The following CPA6 variants were observed in gnomAD, a reference collection of about 807,000 sequenced individuals.
CPA6 encodes carboxypeptidase A6.
CPA6 carries 58 observed loss-of-function variants against 63.3 expected under a neutral mutation model. The observed-to-expected ratio is 0.92, with a 90% confidence interval of 0.74 to 1.14. The LOEUF is 1.14. Ranked by LOEUF, CPA6 falls within the 50% of genes most tolerant of loss-of-function variation. The probability of loss-of-function intolerance (pLI) is 0.00; values close to 1 mark genes in which losing one functional copy is unlikely to be tolerated. For missense variants in CPA6, 565 were observed against 526.6 expected, an observed-to-expected ratio of 1.07 and a Z score of -0.71; for synonymous variants, 185 against 179.0, an observed-to-expected ratio of 1.03 and a Z score of -0.27.
intron 2 of CPA6, among the ~76,000 whole-genome samples, chr8:67,543,306 A>G (rs1047302455): frequency 6.6e-6 from 1 of 152,266 alleles, no homozygotes; most frequent in Non-Finnish European, 1.5e-5. Flanking sequence ...TGAAGAATAG[A>G]CAGTTTTTGG....
At chr8:67,589,513 G>T (rs1025465987) in intron 2 of CPA6, among the ~76,000 whole-genome samples, 1 of 152,128 alleles carries the variant, frequency 6.6e-6, no homozygotes, top group African/African-American at 2.4e-5. Flanking sequence ...TCTTTACTGG[G>T]GGACAGGTAA....
chr8:67,657,154 A>C (rs1360953249), intron 1 of CPA6, among the ~76,000 whole-genome samples: 1 of 152,170 alleles, frequency 6.6e-6, no homozygotes, highest in African/African-American at 2.4e-5. Flanking sequence ...GGAAGATACA[A>C]ACTGGGAAAT....
chr8:67,630,534 C>T (rs1206987627), intron 1 of CPA6, among the ~76,000 whole-genome samples: 3 of 152,212 alleles, frequency 2.0e-5, no homozygotes, highest in African/African-American at 7.2e-5. Flanking sequence ...AAAGAAATGG[C>T]TGGATTTTAT....
intron 1 of CPA6, among the ~76,000 whole-genome samples, chr8:67,704,338 C>A (rs978131205): frequency 6.6e-6 from 1 of 152,186 alleles, no homozygotes; most frequent in East Asian, 1.9e-4. Flanking sequence ...GAAGTCCAGC[C>A]CCTTGTAGCA....
At position 67,588,505 on chromosome 8, in the gene CPA6, G is replaced by A. The variant is rs546230944; in HGVS notation, c.192+35671C>T. ...GGAAGGAGGCAAACAGAATAGGAGAGGGCAATTTGTACAGAGAGGGAAAAT... is the reference window on the plus strand; with the variant it reads ...GGAAGGAGGCAAACAGAATAGGAGAAGGCAATTTGTACAGAGAGGGAAAAT... On this transcript the variant is annotated intron_variant, in intron 2 of 10. Transcript: ENST00000297770. Among the ~76,000 whole-genome samples, 41 of 152,134 alleles carry A rather than the reference G, an allele frequency of 2.7e-4. No individual in the cohort carries two copies. The South Asian group carries it at 8.1e-3, about 30-fold the overall frequency.
rs201908476 is a variant in CPA6, at chr8:67,431,246, A to AT, written c.1041+2791dup. ...ATACGAAGAACATTCTCATATGATA[A>AT]TTTTTTTTTTTCAGATGGAGTCTCA... On this transcript the variant is annotated intron_variant, in intron 9 of 10. Transcript: ENST00000297770. Among the ~76,000 whole-genome samples the AT allele has an allele frequency of 7.6e-3, 1,124 of 148,346 alleles. 44 individuals carry two copies. Among genetic ancestry groups the AT allele is most frequent in the Admixed American group, 0.061 (903 of 14,898 alleles).
At chr8:67,512,083 T>G (rs1350240428) in intron 3 of CPA6, among the ~76,000 whole-genome samples, 3 of 152,178 alleles carry the variant, frequency 2.0e-5, no homozygotes, top group Non-Finnish European at 2.9e-5. Context: ...ATGGGGAAAC[T>G]GAGTCTCAAA....
intron 2 of CPA6, among the ~76,000 whole-genome samples, chr8:67,620,411 G>A (rs891318382): frequency 6.6e-6 from 1 of 152,132 alleles, no homozygotes; most frequent in African/African-American, 2.4e-5. Flanking sequence ...TACACCAGAG[G>A]GGATAGAAAT....
intron 1 of CPA6, among the ~76,000 whole-genome samples, chr8:67,700,562 T>C (rs1347842453): frequency 6.6e-6 from 1 of 152,202 alleles, no homozygotes. Flanking sequence ...TTTAAAACAA[T>C]GTAGTATAAT....
At chr8:67,552,645 T>C (rs919036428) in intron 2 of CPA6, among the ~76,000 whole-genome samples, 3 of 151,620 alleles carry the variant, frequency 2.0e-5, no homozygotes, top group South Asian at 2.1e-4. Flanking sequence ...TGGTGGCACG[T>C]GCCTGTAGTC....
At chr8:67,588,395 T>C (rs1251471034) in intron 2 of CPA6, among the ~76,000 whole-genome samples, 2 of 151,998 alleles carry the variant, frequency 1.3e-5, no homozygotes, top group Non-Finnish European at 1.5e-5. Flanking sequence ...GGTGAATAGA[T>C]TTTCATTCTT....
chr8:67,490,651 A>T (rs1811584125), intron 6 of CPA6, among the ~76,000 whole-genome samples: 2 of 152,216 alleles, frequency 1.3e-5, no homozygotes, highest in African/African-American at 2.4e-5. Flanking sequence ...ACATAGAATG[A>T]ATCTATTTGG....
chr8:67,447,619 T>C (rs1240058838), intron 8 of CPA6, among the ~76,000 whole-genome samples: 1 of 152,176 alleles, frequency 6.6e-6, no homozygotes, highest in East Asian at 1.9e-4. Flanking sequence ...TTTTTAATTT[T>C]CATAGATTTT....
intron 1 of CPA6, among the ~76,000 whole-genome samples, chr8:67,651,245 G>A (rs1815829908): frequency 6.6e-6 from 1 of 151,994 alleles, no homozygotes; most frequent in Non-Finnish European, 1.5e-5. Flanking sequence ...ATGTGTTGTA[G>A]GACTTTTTAA....
At position 67,422,357 on chromosome 8, in the gene CPA6, A is replaced by G. The variant is rs1482485730; in HGVS notation, c.*147T>C. The G allele has an allele frequency of 1.7e-6, 1 of 575,704 alleles. No homozygotes were observed. The allele number at this position is 575,704 out of a possible 1,614,324, so 35.7% of individuals were successfully genotyped here. Reference sequence around the variant, plus strand: ...CTGTTTTTTACTGTTTTCTATTGCCACAAAGTCAAATTGCGTGGGGTCTTT... The same window carrying G: ...CTGTTTTTTACTGTTTTCTATTGCCGCAAAGTCAAATTGCGTGGGGTCTTT... On this transcript the variant is annotated 3_prime_UTR_variant, in exon 11 of 11. Transcript: ENST00000297770.
intron 2 of CPA6, among the ~76,000 whole-genome samples, chr8:67,586,377 C>A (rs1352297587): frequency 6.6e-6 from 1 of 152,102 alleles, no homozygotes; most frequent in Non-Finnish European, 1.5e-5. Flanking sequence ...ATGATACATG[C>A]CAGTCATAGA....
chr8:67,466,174 G>C (rs1468538405), intron 8 of CPA6, among the ~76,000 whole-genome samples: 2 of 142,394 alleles, frequency 1.4e-5, no homozygotes, highest in African/African-American at 5.3e-5. Context: ...GTTTCTTACT[G>C]ATTCAATCTT....
At chr8:67,670,620 A>G (rs1204444864) in intron 1 of CPA6, among the ~76,000 whole-genome samples, 2 of 152,184 alleles carry the variant, frequency 1.3e-5, no homozygotes, top group South Asian at 2.1e-4. Context: ...TGGGAGCTCA[A>G]TAGGGATAGT....
At chr8:67,423,939 G>A (rs1009698878) in intron 10 of CPA6, among the ~76,000 whole-genome samples, 5 of 152,234 alleles carry the variant, frequency 3.3e-5, no homozygotes, top group African/African-American at 1.2e-4. Flanking sequence ...GGGTGAGCCA[G>A]TGAAGCTTCA....
Sources: gnomAD v4.1 joint callset for allele counts (sites outside exome capture counted in the v4.1 genomes callset) on GRCh38, gnomAD v4.1.1 for gene constraint, MANE v1.5 for transcripts, NCBI Gene and HGNC (gene_info 2026-07-23, HGNC 2026-07-21) for gene names.